The following NPHP4 variants were observed in gnomAD, a reference collection of about 807,000 sequenced individuals.
The protein encoded by NPHP4 is nephrocystin 4, also known as nephrocystin-4.
In NPHP4, 151 loss-of-function variants were observed where a neutral mutation model predicts 155.8. That is an observed-to-expected ratio of 0.97 (90% CI 0.85 to 1.11). The LOEUF (loss-of-function observed/expected upper bound fraction) is 1.11. Ranked by LOEUF, NPHP4 falls within the 50% of genes least tolerant of loss-of-function variation. The pLI is 0.00. For missense variants in NPHP4, 1,956 were observed against 1,925.7 expected, an observed-to-expected ratio of 1.02 and a Z score of -0.29; for synonymous variants, 845 against 816.8, an observed-to-expected ratio of 1.03 and a Z score of -0.59.
chr1:5,984,978 C>A (rs1002603725), intron 2 of NPHP4, among the ~76,000 whole-genome samples: 11 of 152,170 alleles, frequency 7.2e-5, no homozygotes, highest in African/African-American at 2.4e-4. Flanking sequence ...AAGGTGGTGG[C>A]AGCCTCATAG....
In NPHP4 at chr1:5,864,431, G is replaced by C. The variant is rs1261612594; in HGVS notation, c.3903C>G (p.Arg1301=). 2 of 1,609,574 alleles carry C rather than the reference G, an allele frequency of 1.2e-6. No individual in the cohort carries two copies. The highest frequency in any genetic ancestry group is 3.4e-5 in the Admixed American group (2 of 59,550). The change falls in exon 28 of 30, where the codon CGC becomes CGG. Residue 1301 remains arginine (R), a synonymous_variant. Transcript: ENST00000378156. ...VGVRPLRAGS[R]FVHLNLVDVD... is the part of the protein sequence containing the mutation. ...CGTCCACCAGGTTGAGATGGACAAA[G>C]CGGCTGCCGGCCCTAAGGGGCCTCA...
intron 11 of NPHP4, among the ~76,000 whole-genome samples, chr1:5,913,242 C>T (rs1645284256): frequency 6.6e-6 from 1 of 151,794 alleles, no homozygotes; most frequent in African/African-American, 2.4e-5. Flanking sequence ...GATGGGGTTG[C>T]CAGCACACAC....
At position 5,942,124 on chromosome 1, in the gene NPHP4, C is replaced by T. The variant is rs551087693; in HGVS notation, c.1119+4980G>A. ...AACACATGCACGTCTGGATGTGGGA[C>T]CCAAGGACTGCCCCTTGCTCACACG... On this transcript the variant is annotated intron_variant, in intron 9 of 29. Coordinates refer to ENST00000378156, the MANE Select transcript of NPHP4 (RefSeq NM_015102.5). Among the ~76,000 whole-genome samples, 4 of 152,248 alleles carry T rather than the reference C, an allele frequency of 2.6e-5. No homozygotes were observed. The South Asian group carries it at 6.2e-4, about 24-fold the overall frequency.
At position 5,877,143 on chromosome 1, in the gene NPHP4, G is replaced by A. The variant is rs763099264; in HGVS notation, c.2767C>T (p.Arg923Cys). ...RRKLERMRSV[R>C]LQEAGGDLGR... ...AAGTCTCCCCCGGCCTCCTGCAGGC[G>A]CACAGACCTCATCCGCTCCAGCTTA... The change falls in exon 20 of 30, where the codon CGC becomes TGC. Residue 923 changes from arginine to cysteine, a missense_variant. Physicochemically the swap from Arg to Cys is radical, Grantham distance 180. Transcript: ENST00000378156. The A allele has an allele frequency of 1.6e-5, 25 of 1,598,112 alleles. No homozygotes were observed. Among genetic ancestry groups the A allele is most frequent in the Admixed American group, 3.4e-5 (2 of 59,430 alleles).
chr1:5,965,129 C>A (rs1651239746), intron 5 of NPHP4, among the ~76,000 whole-genome samples: 1 of 151,206 alleles, frequency 6.6e-6, no homozygotes, highest in Non-Finnish European at 1.5e-5. Context: ...GATGGGGTCT[C>A]ACTATGTTGC....
At chr1:5,975,711 G>A (rs975565585) in intron 3 of NPHP4, among the ~76,000 whole-genome samples, 2 of 152,202 alleles carry the variant, frequency 1.3e-5, no homozygotes, top group African/African-American at 4.8e-5. Flanking sequence ...TCTGAATTGT[G>A]AACTGCACAG....
Position 5,905,348 on chromosome 1 carries a change from T to C in NPHP4, c.1899A>G (p.Glu633=), listed in dbSNP as rs1373373477. 6.2e-7 allele frequency: 1 copy of C among 1,613,980 alleles called. No homozygotes were observed. Among genetic ancestry groups the C allele is most frequent in the Admixed American group, 1.7e-5 (1 of 60,030 alleles). The change falls in exon 15 of 30, where the codon GAA becomes GAG. Residue 633 remains glutamate, a synonymous_variant. Transcript: ENST00000378156. The surrounding 1 kb of genome is among the most constrained non-coding windows in gnomAD (Gnocchi z 4.0). ...CGTTGCTTTGTAGACAATCTGATTCTTCCTTCTGAGGGTTAAACGTCACAG... is the reference window on the plus strand; with the variant it reads ...CGTTGCTTTGTAGACAATCTGATTCCTCCTTCTGAGGGTTAAACGTCACAG... The part of the protein sequence containing the change: ...TEPVTFNPQK[E]ESDCLQSNEM...
intron 2 of NPHP4, among the ~76,000 whole-genome samples, chr1:5,985,327 G>A (rs1468585017): frequency 2.0e-5 from 3 of 152,240 alleles, no homozygotes; most frequent in Admixed American, 6.5e-5. Flanking sequence ...CAATCCAATC[G>A]TGTGGGTGTC....
At chr1:5,898,294 G>C (rs1284908038) in intron 16 of NPHP4, among the ~76,000 whole-genome samples, 1 of 152,234 alleles carries the variant, frequency 6.6e-6, no homozygotes, top group East Asian at 1.9e-4. Flanking sequence ...GGGCCAAGGA[G>C]GGAACCAACA....
intron 5 of NPHP4, among the ~76,000 whole-genome samples, chr1:5,962,555 GGCAGCACTGGAGGGAGGCCA>G (rs1253807699): frequency 6.6e-6 from 1 of 152,170 alleles, no homozygotes; most frequent in Non-Finnish European, 1.5e-5. Flanking sequence ...AACGGAGGAG[GGCAGCACTGGAGGGAGGCCA>G]GCAGCATCAG....
At chr1:5,904,580 A>C in intron 16 of NPHP4, 37 bp downstream of exon 16, 1 of 1,520,952 alleles carries the variant, frequency 6.6e-7, no homozygotes, top group Admixed American at 1.8e-5. Context: ...AACTCAGTAC[A>C]GAATGTCTTG....
chr1:5,972,875 T>C (rs186055712), intron 3 of NPHP4, among the ~76,000 whole-genome samples: 2 of 150,980 alleles, frequency 1.3e-5, no homozygotes, highest in Admixed American at 6.6e-5. Flanking sequence ...ATTTGTAGGG[T>C]TTTTTTTTGT....
chr1:5,888,375 TG>T (rs1643928792), intron 17 of NPHP4: 1 of 1,092,270 alleles, frequency 9.2e-7, no homozygotes, highest in Admixed American at 5.1e-5. Context: ...AGAAGCAGTG[TG>T]GGAGCAGATG....
chr1:5,956,320 GA>G (rs1649230394), intron 6 of NPHP4, among the ~76,000 whole-genome samples: 1 of 152,232 alleles, frequency 6.6e-6, no homozygotes, highest in Non-Finnish European at 1.5e-5. Context: ...GCACCCCCAG[GA>G]GCAAAAGCCA....
chr1:5,890,758 T>C lies in NPHP4; in HGVS notation c.2304+110A>G. On this transcript the variant is annotated intron_variant, in intron 17 of 29. Coordinates refer to ENST00000378156, the MANE Select transcript of NPHP4 (RefSeq NM_015102.5). The surrounding 1 kb of genome is among the most constrained non-coding windows in gnomAD (Gnocchi z 4.9). ...GAGTGAACAAAGAAGGTCAAACAAG[T>C]CCTGTGCGGGATAGCGCCCGCTCCT... 2.1e-6 allele frequency: 2 copies of C among 950,648 alleles called. No homozygotes were observed. The highest frequency in any genetic ancestry group is 1.5e-6 in the Non-Finnish European group (1 of 653,086). The allele number at this position is 950,648 out of a possible 1,614,324, so 58.9% of individuals were successfully genotyped here.
chr1:5,912,482 G>A (rs944788945), intron 11 of NPHP4, among the ~76,000 whole-genome samples: 11 of 148,962 alleles, frequency 7.4e-5, no homozygotes, highest in Non-Finnish European at 4.4e-5. Flanking sequence ...AGCTTTCGGT[G>A]AGCCGAGATC....
intron 9 of NPHP4, among the ~76,000 whole-genome samples, chr1:5,946,371 T>C (rs769710272): frequency 8.5e-5 from 13 of 152,254 alleles, no homozygotes; most frequent in Non-Finnish European, 1.8e-4. Flanking sequence ...AAGTTCCCTA[T>C]GAGAAACCAT....
rs922120193 is a variant in NPHP4 at position 5,902,419 on chromosome 1, A to G, written c.2143+2198T>C. On this transcript the variant is annotated intron_variant, in intron 16 of 29. Coordinates refer to ENST00000378156, the MANE Select transcript of NPHP4 (RefSeq NM_015102.5). Reference sequence around the variant, plus strand: ...AACCAAGTCCTACACCCTCTTTATCATGAATAAATGCATGATAAAGAAAGT... The same window carrying G: ...AACCAAGTCCTACACCCTCTTTATCGTGAATAAATGCATGATAAAGAAAGT... Among the ~76,000 whole-genome samples, 13 of 152,306 alleles carry G rather than the reference A, an allele frequency of 8.5e-5. No individual in the cohort carries two copies. In the East Asian group the frequency reaches 1.5e-3, roughly 18 times the overall value.
At chr1:5,914,913 T>G (rs988606648) in intron 11 of NPHP4, among the ~76,000 whole-genome samples, 7 of 152,088 alleles carry the variant, frequency 4.6e-5, no homozygotes, top group Non-Finnish European at 2.9e-5. Flanking sequence ...AGGTGCCAGG[T>G]AGACCTCCCC....
Sources: gnomAD v4.1 joint callset for allele counts (sites outside exome capture counted in the v4.1 genomes callset) on GRCh38, gnomAD v4.1.1 for gene constraint, Gnocchi (gnomAD v3.1) non-coding constraint, MANE v1.5 for transcripts, NCBI Gene and HGNC (gene_info 2026-07-23, HGNC 2026-07-21) for gene names.